Variants in KNTC1 observed in about 807,000 individuals in gnomAD.
The protein encoded by KNTC1 is kinetochore associated 1, also known as kinetochore-associated protein 1.
Under a neutral mutation model 314.4 loss-of-function variants are expected in KNTC1, and 253 were observed. The observed-to-expected ratio is 0.80, with a 90% confidence interval of 0.73 to 0.89. The LOEUF (loss-of-function observed/expected upper bound fraction) is 0.89, where lower values mean the gene tolerates loss of function less well. Ranked by LOEUF, KNTC1 falls within the 40% of genes least tolerant of loss-of-function variation. The pLI is 0.00. For synonymous variants in KNTC1, 901 were observed against 901.4 expected, an observed-to-expected ratio of 1.00 and a Z score of 0.01; for missense variants, 2,475 against 2,572.9, an observed-to-expected ratio of 0.96 and a Z score of 0.82.
chr12:122,618,194 A>C, intron 57 of KNTC1, 149 bp from the exon 58 acceptor site: 1 of 664,074 alleles, frequency 1.5e-6, no homozygotes, highest in Non-Finnish European at 2.6e-6. Context: ...CTGGTTTCGA[A>C]CTCCTGACCT....
rs548290756 is a variant in KNTC1, at chr12:122,534,717, T to C, written c.183T>C (p.Ile61=). Residue 61 remains isoleucine, a synonymous_variant, in exon 3 of 64, where the codon ATT becomes ATC. Transcript: ENST00000333479. ...QACSLSDGFI[I]VADQSVILLD... is the part of the protein sequence containing the mutation. The stretch of plus-strand genomic sequence containing the variant: ...GCAGCTTAAGTGATGGGTTTATTAT[T>C]GTAGCCGACCAATCAGTGATATTGC... The C allele has an allele frequency of 6.2e-7, 1 of 1,611,178 alleles. No individual in the cohort carries two copies. The highest frequency in any genetic ancestry group is 1.1e-5 in the South Asian group (1 of 90,748).
rs1874818191 is a variant in KNTC1, at chr12:122,624,650, C to A, written c.6568C>A (p.Pro2190Thr). 3.1e-6 allele frequency: 5 copies of A among 1,613,512 alleles called. No individual in the cohort carries two copies. The South Asian group carries it at 5.5e-5, about 18-fold the overall frequency. The change falls in exon 63 of 64, where the codon CCT (proline) becomes ACT (threonine). Residue 2190 changes from proline to threonine, a missense_variant. Physicochemically the swap from Pro to Thr is conservative, Grantham distance 38. Transcript: ENST00000333479. Reference sequence around the variant, plus strand: ...TGAATATTCAAAGCACTGCGGGAAACCTGTGCCTCCAGACACTGCTCCCTG... The same window carrying A: ...TGAATATTCAAAGCACTGCGGGAAAACTGTGCCTCCAGACACTGCTCCCTG... Reference protein sequence around the residue: ...ITEYSKHCGKPVPPDTAPCEI... With the variant: ...ITEYSKHCGKTVPPDTAPCEI...
In KNTC1 at chr12:122,551,457, G is replaced by T. The variant is rs758500491; in HGVS notation, c.1131-1G>T. ...GCATTTATAGTTAAAATTTTTTCTA[G>T]ATTGTCTGAAGACTCAGTCTCTGTG... On this transcript the variant is annotated splice_acceptor_variant, in intron 14 of 63. Coordinates refer to ENST00000333479, the MANE Select transcript of KNTC1 (RefSeq NM_014708.6). LOFTEE classifies it high-confidence loss of function. The T allele has an allele frequency of 1.3e-6, 2 of 1,579,926 alleles. No individual in the cohort carries two copies. Among genetic ancestry groups the T allele is most frequent in the African/African-American group, 2.7e-5 (2 of 74,086 alleles).
Position 122,584,416 on chromosome 12 carries a change from T to C in KNTC1, c.3402T>C (p.Asp1134=), listed in dbSNP as rs374300027. 7 of 1,611,520 alleles carry C rather than the reference T, an allele frequency of 4.3e-6. No individual in the cohort carries two copies. In the African/African-American group the frequency reaches 9.4e-5, roughly 22 times the overall value. ...TGAATCTTCCTTCCATGATACATGATCTAGCAAGCCAAGCTGCCACCATTT... is the reference window on the plus strand; with the variant it reads ...TGAATCTTCCTTCCATGATACATGACCTAGCAAGCCAAGCTGCCACCATTT... ...VGLNLPSMIH[D]LASQAATICS... Residue 1134 remains aspartate (D), a synonymous_variant, in exon 35 of 64, where the codon GAT becomes GAC. Transcript: ENST00000333479.
intron 21 of KNTC1, among the ~76,000 whole-genome samples, chr12:122,569,263 G>C (rs186783737): frequency 6.6e-6 from 1 of 152,296 alleles, no homozygotes; most frequent in African/African-American, 2.4e-5. Flanking sequence ...TGTTGCTACT[G>C]CAGCTCAAAT....
chr12:122,620,815 G>A (rs1874348025), intron 60 of KNTC1, among the ~76,000 whole-genome samples: 1 of 152,124 alleles, frequency 6.6e-6, no homozygotes, highest in African/African-American at 2.4e-5. Flanking sequence ...AAGGGGTTTG[G>A]GCCTTATTGT....
intron 20 of KNTC1, among the ~76,000 whole-genome samples, chr12:122,566,009 C>T (rs1241711116): frequency 7.9e-6 from 1 of 125,796 alleles, no homozygotes; most frequent in African/African-American, 3.1e-5. Context: ...GTGGCATGAT[C>T]TCGGCTCACT....
rs11837038 is a variant in KNTC1, at chr12:122,618,374, T to G, written c.6062T>G (p.Val2021Gly). The G allele has an allele frequency of 0.095, 153,475 of 1,613,136 alleles. 8,217 individuals carry two copies. Among genetic ancestry groups the G allele is most frequent in the Middle Eastern group, 0.14 (822 of 6,056 alleles). Residue 2021 changes from valine to glycine, a missense_variant, in exon 58 of 64, where the codon GTG becomes GGG. Transcript: ENST00000333479. ...TACTTCAGCAAAGCGTGGCAGCGTGTGATACAGATACCACTGCTTTCAGGT... is the reference window on the plus strand; with the variant it reads ...TACTTCAGCAAAGCGTGGCAGCGTGGGATACAGATACCACTGCTTTCAGGT... ...VPYFSKAWQR[V>G]IQIPLLSASC... is the part of the protein sequence containing the mutation.
At chr12:122,584,696 C>A (rs1277710300) in intron 35 of KNTC1, among the ~76,000 whole-genome samples, 197 bp from the exon 36 acceptor site, 1 of 152,086 alleles carries the variant, frequency 6.6e-6, no homozygotes, top group Non-Finnish European at 1.5e-5. Flanking sequence ...AAATTCCTTG[C>A]CTCCCATATC....
rs1030649927 is a variant in KNTC1 at position 122,575,393 on chromosome 12, T to C, written c.2383-150T>C. 6.4e-6 allele frequency: 4 copies of C among 621,708 alleles called. No homozygotes were observed. In the African/African-American group the frequency reaches 7.3e-5, roughly 11 times the overall value. The allele number at this position is 621,708 out of a possible 1,614,324, so 38.5% of individuals were successfully genotyped here. A position where few individuals can be genotyped will look rare whatever the true frequency, so the allele number is the denominator to read the frequency against. ...CAAATTGTTCTCTATATGTGAAAAC[T>C]GAAGAAATAAATGGTTTTCCAGTGA... On this transcript the variant is annotated intron_variant, in intron 27 of 63. Transcript: ENST00000333479.
chr12:122,559,157 A>ACG (rs767099239), intron 18 of KNTC1, among the ~76,000 whole-genome samples: 1 of 151,732 alleles, frequency 6.6e-6, no homozygotes, highest in African/African-American at 2.4e-5. Context: ...GACCATTGTG[A>ACG]CGAACATGGT....
intron 39 of KNTC1, among the ~76,000 whole-genome samples, chr12:122,588,170 G>A (rs773814049): frequency 2.0e-5 from 3 of 152,110 alleles, no homozygotes; most frequent in Non-Finnish European, 4.4e-5. Flanking sequence ...ATATTGTAGT[G>A]GTAAGTCTTC....
chr12:122,573,192 A>G lies in KNTC1; in HGVS notation c.2190A>G (p.Pro730=), dbSNP rs1964809238. 1 of 1,613,866 alleles carries G rather than the reference A, an allele frequency of 6.2e-7. No individual in the cohort carries two copies. The highest frequency in any genetic ancestry group is 1.7e-5 in the Admixed American group (1 of 59,996). ...GAATGTTTGATAAAGTGCTGGCCCC[A>G]GAGCTTATTCCCTCCATCTTAGAGA... ...VFRMFDKVLA[P]ELIPSILEKF... is the part of the protein sequence containing the mutation. The change falls in exon 26 of 64, where the codon CCA becomes CCG. Residue 730 remains proline, a synonymous_variant. Transcript: ENST00000333479.
At chr12:122,599,692 A>G (rs867143719) in intron 44 of KNTC1, among the ~76,000 whole-genome samples, 2 of 152,174 alleles carry the variant, frequency 1.3e-5, no homozygotes, top group Non-Finnish European at 2.9e-5. Context: ...TTTCAGTTTT[A>G]TATTTTGCTT....
intron 12 of KNTC1, among the ~76,000 whole-genome samples, chr12:122,548,738 C>T (rs1962972950): frequency 6.6e-6 from 1 of 151,972 alleles, no homozygotes; most frequent in African/African-American, 2.4e-5. Flanking sequence ...GAGGCCAAGG[C>T]AGGTGGATCA....
At chr12:122,613,579 A>C (rs768116383) in intron 54 of KNTC1, 47 bp from the exon 55 acceptor site, 2 of 1,515,778 alleles carry the variant, frequency 1.3e-6, no homozygotes, top group South Asian at 1.3e-5. Flanking sequence ...TTTTAAATGT[A>C]AATGTGGCCT....
intron 1 of KNTC1, among the ~76,000 whole-genome samples, chr12:122,529,045 T>C (rs749942706): frequency 6.6e-6 from 1 of 152,118 alleles, no homozygotes; most frequent in Non-Finnish European, 1.5e-5. Context: ...GGTTTCGTCA[T>C]GTTGGCCAGG....
intron 42 of KNTC1, chr12:122,593,377 C>T (rs547545751): frequency 6.6e-6 from 1 of 152,190 alleles, no homozygotes; most frequent in East Asian, 1.9e-4. Flanking sequence ...AATTCCCCTG[C>T]CTCAGCCTCC....
intron 59 of KNTC1, 68 bp downstream of exon 59, chr12:122,618,613 A>G (rs1403348231): frequency 9.0e-7 from 1 of 1,106,498 alleles, no homozygotes; most frequent in African/African-American, 1.6e-5. Flanking sequence ...CTTCTAATAG[A>G]TATCTCTAAT....
Sources: gnomAD v4.1 joint callset for allele counts (sites outside exome capture counted in the v4.1 genomes callset) on GRCh38, gnomAD v4.1.1 for gene constraint, MANE v1.5 for transcripts, NCBI Gene and HGNC (gene_info 2026-07-23, HGNC 2026-07-21) for gene names.